Variants in SIPA1 observed in about 807,000 individuals in gnomAD.
The protein encoded by SIPA1 is signal-induced proliferation-associated protein 1.
In SIPA1, 51 loss-of-function variants were observed where a neutral mutation model predicts 88.1. The observed-to-expected ratio is 0.58, with a 90% CI of 0.46 to 0.73. The LOEUF is 0.73. Ranked by LOEUF, SIPA1 falls within the 30% of genes least tolerant of loss-of-function variation. The pLI is 0.00. For missense variants in SIPA1, 1,348 were observed against 1,467.6 expected (o/e 0.92, Z 1.33); for synonymous variants, 681 against 664.8 (o/e 1.02, Z -0.37).
At chr11:65,641,708 C>T (rs1243785790) in intron 2 of SIPA1, 108 bp downstream of exon 2, 1 of 1,081,198 alleles carries the variant, frequency 9.2e-7, no homozygotes, top group Non-Finnish European at 1.3e-6. Context: ...CCTGTAAAGT[C>T]CCTGGCCCTG....
chr11:65,647,755 A>G (rs2135527252), intron 9 of SIPA1, 97 bp downstream of exon 9: 1 of 976,144 alleles, frequency 1.0e-6, no homozygotes. Flanking sequence ...TCAGGAACCC[A>G]GTGTGGATAC....
chr11:65,644,819 C>T, intron 4 of SIPA1, 136 bp from the exon 5 acceptor site: 1 of 826,784 alleles, frequency 1.2e-6, no homozygotes, highest in East Asian at 2.5e-5. Context: ...ACTGTACTCA[C>T]CTGACAGGCA....
chr11:65,650,244 T>A (rs776748830), intron 14 of SIPA1, 52 bp downstream of exon 14: 10 of 1,588,530 alleles, frequency 6.3e-6, no homozygotes, highest in Non-Finnish European at 7.8e-6. Context: ...TGACCCCCCC[T>A]TCGTGCCTGT....
In SIPA1 at chr11:65,650,583, G is replaced by A; in HGVS notation, c.2997G>A (p.Arg999=). The A allele has an allele frequency of 6.3e-7, 1 of 1,598,808 alleles. No individual in the cohort carries two copies. The highest frequency in any genetic ancestry group is 8.5e-7 in the Non-Finnish European group (1 of 1,172,554). Residue 999 remains arginine (R), a synonymous_variant, in exon 16 of 16, where the codon AGG becomes AGA. Coordinates refer to ENST00000534313, the MANE Select transcript of SIPA1 (RefSeq NM_006747.4). ...QEDLQKEKAD[R]AALEEEVRSL... Reference sequence around the variant, plus strand: ...CGGCACCCCAGGAGAAGGCGGACAGGGCGGCCCTGGAGGAGGAGGTGCGGA... The same window carrying A: ...CGGCACCCCAGGAGAAGGCGGACAGAGCGGCCCTGGAGGAGGAGGTGCGGA...
Position 65,646,346 on chromosome 11 carries a change from A to G in SIPA1, c.1389A>G (p.Ala463=). ...AGCACGTGTTCCTAGTGGTGCGGGC[A>G]CACACACCCTGCACGCCACACACCA... is the stretch of plus-strand genomic sequence containing the variant. The part of the protein sequence containing the change: ...HFQHVFLVVR[A]HTPCTPHTTY... The change falls in exon 7 of 16, where the codon GCA becomes GCG. Residue 463 remains alanine, a synonymous_variant. Transcript: ENST00000534313. This position sits in a 1 kb window ranked among gnomAD's most constrained non-coding sequence, Gnocchi z 7.5. The G allele has an allele frequency of 6.2e-7, 1 of 1,613,222 alleles. No homozygotes were observed. The highest frequency in any genetic ancestry group is 2.2e-5 in the East Asian group (1 of 44,862).
chr11:65,645,736 G>A, intron 5 of SIPA1, 118 bp from the exon 6 acceptor site: 3 of 642,510 alleles, frequency 4.7e-6, no homozygotes, highest in Non-Finnish European at 8.0e-6. Context: ...TGGCATGACT[G>A]GTTGTCCACC....
In SIPA1 at chr11:65,646,062, C is replaced by CA; in HGVS notation, c.1263+105_1263+106insA. The CA allele has an allele frequency of 8.0e-7, 1 of 1,245,228 alleles. No homozygotes were observed. Among genetic ancestry groups the CA allele is most frequent in the African/African-American group, 1.5e-5 (1 of 67,038 alleles). The allele number at this position is 1,245,228 out of a possible 1,614,324, so 77.1% of individuals were successfully genotyped here. On this transcript the variant is annotated intron_variant, in intron 6 of 15. Transcript: ENST00000534313. This position sits in a 1 kb window ranked among gnomAD's most constrained non-coding sequence, Gnocchi z 7.5. ...GCCGGAGCTCTGTTGGCCCCAACAG[C>CA]CCGCCCCTCTGGTGGCCCCTTCCCA...
At position 65,650,179 on chromosome 11, in the gene SIPA1, A is replaced by G. The variant is rs1481321279; in HGVS notation, c.2890A>G (p.Lys964Glu). 2 of 1,613,924 alleles carry G rather than the reference A, an allele frequency of 1.2e-6. No individual in the cohort carries two copies. The highest frequency in any genetic ancestry group is 1.1e-5 in the South Asian group (1 of 91,078). ...GAGTGGAGACCCTAAGGGAACTCCA[A>G]AATCTGATGCTGAGTAAGCTCCCCA... ...PESGDPKGTPKSDAEPEPGNL... is the reference protein window; with the variant it reads ...PESGDPKGTPESDAEPEPGNL... Residue 964 changes from lysine to glutamate, a missense_variant, in exon 14 of 16, where the codon AAA (lysine) becomes GAA (glutamate). Physicochemically the swap from Lys to Glu is moderately conservative, Grantham distance 56. Coordinates refer to ENST00000534313, the MANE Select transcript of SIPA1 (RefSeq NM_006747.4).
At position 65,644,940 on chromosome 11, in the gene SIPA1, G is replaced by C; in HGVS notation, c.985-15G>C. ...CAGGGGACTGAGACCTATGCCTTCT[G>C]TCTCCCACCCACAGCTGAGCTTCCA... On this transcript the variant is annotated splice_polypyrimidine_tract_variant and intron_variant, in intron 4 of 15. Coordinates refer to ENST00000534313, the MANE Select transcript of SIPA1 (RefSeq NM_006747.4). 6.2e-7 allele frequency: 1 copy of C among 1,607,410 alleles called. No individual in the cohort carries two copies. Among genetic ancestry groups the C allele is most frequent in the Non-Finnish European group, 8.5e-7 (1 of 1,175,822 alleles).
Position 65,641,284 on chromosome 11 carries a change from G to T in SIPA1, c.363G>T (p.Val121=), listed in dbSNP as rs1347662444. The T allele has an allele frequency of 6.2e-7, 1 of 1,613,500 alleles. No individual in the cohort carries two copies. Among genetic ancestry groups the T allele is most frequent in the Non-Finnish European group, 8.5e-7 (1 of 1,180,040 alleles). ...LEPRWFAHYD[V]QSLLFDWAPR... is the part of the protein sequence containing the mutation. Reference sequence around the variant, plus strand: ...CTCGATGGTTTGCCCACTATGACGTGCAAAGCCTGCTCTTTGATTGGGCTC... The same window carrying T: ...CTCGATGGTTTGCCCACTATGACGTTCAAAGCCTGCTCTTTGATTGGGCTC... The change falls in exon 2 of 16, where the codon GTG becomes GTT. Residue 121 remains valine (V), a synonymous_variant. Transcript: ENST00000534313.
intron 8 of SIPA1, 133 bp from the exon 9 acceptor site, chr11:65,647,251 C>T: frequency 7.3e-7 from 1 of 1,372,666 alleles, no homozygotes. Context: ...GTCTTCATCC[C>T]TCGGGCGGTG....
Position 65,646,326 on chromosome 11 carries a change from G to A in SIPA1, c.1369G>A (p.Val457Met), listed in dbSNP as rs748003360. The part of the protein sequence containing the change: ...PTTIRSHFQH[V>M]FLVVRAHTPC... ...CACCATCCGCTCGCACTTCCAGCAC[G>A]TGTTCCTAGTGGTGCGGGCACACAC... Residue 457 changes from valine to methionine, a missense_variant, in exon 7 of 16, where the codon GTG becomes ATG. Transcript: ENST00000534313. This position sits in a 1 kb window ranked among gnomAD's most constrained non-coding sequence, Gnocchi z 7.5. The A allele has an allele frequency of 6.2e-7, 1 of 1,613,868 alleles. No individual in the cohort carries two copies. Among genetic ancestry groups the A allele is most frequent in the Non-Finnish European group, 8.5e-7 (1 of 1,179,996 alleles).
chr11:65,641,357 C>T lies in SIPA1; in HGVS notation c.436C>T (p.Leu146=). The T allele has an allele frequency of 6.2e-7, 1 of 1,613,352 alleles. No homozygotes were observed. Among genetic ancestry groups the T allele is most frequent in the Non-Finnish European group, 8.5e-7 (1 of 1,180,016 alleles). The change falls in exon 2 of 16, where the codon CTG becomes TTG. Residue 146 remains leucine (L), a synonymous_variant. Coordinates refer to ENST00000534313, the MANE Select transcript of SIPA1 (RefSeq NM_006747.4). ...CCACTCAGAGGCCAGCTCTGGGACC[C>T]TGGCTTCAGCCGAGGACCAGGCTGC... ...GSHSEASSGT[L]ASAEDQAASS...
chr11:65,650,629 C>A lies in SIPA1; in HGVS notation c.3043C>A (p.Arg1015=). 1.3e-6 allele frequency: 2 copies of A among 1,572,764 alleles called. No homozygotes were observed. The highest frequency in any genetic ancestry group is 1.7e-6 in the Non-Finnish European group (2 of 1,159,030). The change falls in exon 16 of 16, where the codon CGG becomes AGG. Residue 1015 remains arginine (R), a synonymous_variant. Transcript: ENST00000534313. ...GCGGAGCCTGAGACACAACAACCGG[C>A]GGCTGCAGGCGGAGTCTGAGAGTGC... is the stretch of plus-strand genomic sequence containing the variant. ...EVRSLRHNNR[R]LQAESESAAT... is the part of the protein sequence containing the mutation.
At position 65,641,466 on chromosome 11, in the gene SIPA1, C is replaced by T. The variant is rs3741378; in HGVS notation, c.545C>T (p.Ser182Phe). Residue 182 changes from serine to phenylalanine, a missense_variant, in exon 2 of 16, where the codon TCC becomes TTC. Physicochemically the swap from Ser to Phe is radical, Grantham distance 155. Around this residue, in one of 4 missense-constraint regions of SIPA1, gnomAD observed 641 missense variants for 797.7 expected, o/e 0.80. Transcript: ENST00000534313. ...GAGCTAGGCCTGGGTGGACCAGCAT[C>T]CCCACCTGTGCCCCCTGCACTGCCC... ...EGELGLGGPA[S>F]PPVPPALPNA... is the part of the protein sequence containing the mutation. 0.14 allele frequency: 232,040 copies of T among 1,612,014 alleles called. 18,865 individuals are homozygous for T. The highest frequency in any genetic ancestry group is 0.36 in the East Asian group (16,337 of 44,866).
intron 5 of SIPA1, among the ~76,000 whole-genome samples, chr11:65,645,480 C>G (rs1213667819): frequency 6.6e-6 from 1 of 152,074 alleles, no homozygotes; most frequent in Non-Finnish European, 1.5e-5. Context: ...GTACTGAGCA[C>G]CCCCTGCCTG....
rs201900465 is a variant in SIPA1, at chr11:65,646,197, G to C, written c.1264-24G>C. On this transcript the variant is annotated intron_variant, in intron 6 of 15. Transcript: ENST00000534313. The surrounding 1 kb of genome is among the most constrained non-coding windows in gnomAD (Gnocchi z 7.5). ...TTTGGGGCACAGAAGACCTCATCAC[G>C]AGCCCCTACTATCCAACCCCTAGCT... The C allele has an allele frequency of 4.5e-5, 72 of 1,611,848 alleles. No homozygotes were observed. The African/African-American group carries it at 9.3e-4, about 21-fold the overall frequency.
intron 4 of SIPA1, among the ~76,000 whole-genome samples, chr11:65,643,290 C>T (rs1183938935): frequency 2.0e-5 from 3 of 152,220 alleles, no homozygotes; most frequent in Admixed American, 2.0e-4. Context: ...CCTGCAGTTC[C>T]CGCATCATTC....
rs1856108113 is a variant in SIPA1, at chr11:65,646,119, G to A, written c.1264-102G>A. 1.4e-6 allele frequency: 2 copies of A among 1,424,262 alleles called. No individual in the cohort carries two copies. The highest frequency in any genetic ancestry group is 1.9e-6 in the Non-Finnish European group (2 of 1,029,106). The allele number at this position is 1,424,262 out of a possible 1,614,324, so 88.2% of individuals were successfully genotyped here. On this transcript the variant is annotated intron_variant, in intron 6 of 15. Coordinates refer to ENST00000534313, the MANE Select transcript of SIPA1 (RefSeq NM_006747.4). The surrounding 1 kb of genome is among the most constrained non-coding windows in gnomAD (Gnocchi z 7.5). ...GAAACACCCTAGGTCTTCACCAGGG[G>A]CAGTGGGGGAGCCATTGGTGCCTTG...
Sources: gnomAD v4.1 joint callset for allele counts (sites outside exome capture counted in the v4.1 genomes callset) on GRCh38, gnomAD v4.1.1 for gene constraint, gnomAD v4.1.1 regional missense constraint, Gnocchi (gnomAD v3.1) non-coding constraint, MANE v1.5 for transcripts, NCBI Gene and HGNC (gene_info 2026-07-23, HGNC 2026-07-21) for gene names.